ATAD2: variants seen among roughly 807,000 people sequenced by gnomAD.
ATAD2 encodes the protein ATPase family AAA domain containing 2.
A neutral mutation model predicts 168.9 loss-of-function variants in ATAD2; 62 were observed. The observed-to-expected ratio is 0.37, with a 90% CI of 0.30 to 0.45. The LOEUF (loss-of-function observed/expected upper bound fraction) is 0.45, where lower values mean the gene tolerates loss of function less well. Among genes scored for constraint, ATAD2 ranks in the 20% least tolerant of loss-of-function variants. The pLI, the probability that ATAD2 is intolerant of heterozygous loss-of-function variation, is 1.00. For synonymous variants in ATAD2, 613 were observed against 571.6 expected (o/e 1.07, Z -1.03); for missense variants, 1,419 against 1,667.8 (o/e 0.85, Z 2.60).
intron 26 of ATAD2, among the ~76,000 whole-genome samples, chr8:123,323,434 T>C (rs1198221800): frequency 6.6e-6 from 1 of 152,226 alleles, no homozygotes; most frequent in Non-Finnish European, 1.5e-5. Context: ...CTAATTTTAT[T>C]ATGTGAAACT....
chr8:123,330,861 CA>C (rs758262416), intron 24 of ATAD2, among the ~76,000 whole-genome samples: 3 of 152,174 alleles, frequency 2.0e-5, no homozygotes, highest in Non-Finnish European at 4.4e-5. Context: ...AGGTATTTCA[CA>C]AAAAGTACAA....
At chr8:123,367,063 T>C (rs1373821164) in intron 8 of ATAD2, among the ~76,000 whole-genome samples, 1 of 152,182 alleles carries the variant, frequency 6.6e-6, no homozygotes, top group African/African-American at 2.4e-5. Flanking sequence ...ATCTCCATTT[T>C]ACTGAAAGCC....
chr8:123,334,072 A>G, intron 23 of ATAD2, 51 bp from the exon 24 acceptor site: 1 of 1,583,444 alleles, frequency 6.3e-7, no homozygotes, highest in Non-Finnish European at 8.6e-7. Flanking sequence ...TTTCAAAATT[A>G]CATGAAGGAT....
At chr8:123,358,247 C>T (rs951679835) in intron 11 of ATAD2, among the ~76,000 whole-genome samples, 1 of 152,202 alleles carries the variant, frequency 6.6e-6, no homozygotes, top group African/African-American at 2.4e-5. Flanking sequence ...GTGGCATGAT[C>T]ATAGCTCACT....
chr8:123,324,873 A>G (rs1827565787), intron 26 of ATAD2, among the ~76,000 whole-genome samples: 1 of 152,098 alleles, frequency 6.6e-6, no homozygotes, highest in Non-Finnish European at 1.5e-5. Context: ...AGAATCACTT[A>G]GCTATTTTCT....
chr8:123,354,864 A>AATATATATATATATATATATATATAT (rs1251736641), intron 13 of ATAD2, among the ~76,000 whole-genome samples: 4 of 64,708 alleles, frequency 6.2e-5, no homozygotes, highest in African/African-American at 3.5e-4. Flanking sequence ...AAAAAAAAAA[A>AATATATATATATATATATATATATAT]ATATATATAT....
In ATAD2 at chr8:123,320,783, A is replaced by G. The variant is rs901667993; in HGVS notation, c.*351T>C. On this transcript the variant is annotated 3_prime_UTR_variant, in exon 28 of 28. Transcript: ENST00000287394. Reference sequence around the variant, plus strand: ...ATACAATAAACTATTTTTAGGAAGGATAAAATTAAAAGTGCTTAATACAAA... The same window carrying G: ...ATACAATAAACTATTTTTAGGAAGGGTAAAATTAAAAGTGCTTAATACAAA... 1 of 187,080 alleles carries G rather than the reference A, an allele frequency of 5.3e-6. No individual in the cohort carries two copies. Among genetic ancestry groups the G allele is most frequent in the Non-Finnish European group, 1.1e-5 (1 of 91,832 alleles). 11.6% of individuals were successfully genotyped at this position (187,080 alleles called of 1,614,324 possible).
chr8:123,394,993 TTA>T (rs1037262514), intron 1 of ATAD2, among the ~76,000 whole-genome samples: 1 of 152,196 alleles, frequency 6.6e-6, no homozygotes, highest in African/African-American at 2.4e-5. Context: ...GCAACTAATT[TTA>T]TATAGTTATC....
In ATAD2 at chr8:123,320,859, C is replaced by A; in HGVS notation, c.*275G>T. ...TTAAGTGCCATAAAACATTAGTTAC[C>A]AAAATAACTTTATTAAGAGTTGGCC... On this transcript the variant is annotated 3_prime_UTR_variant, in exon 28 of 28. Coordinates refer to ENST00000287394, the MANE Select transcript of ATAD2 (RefSeq NM_014109.4). 3.0e-6 allele frequency: 1 copy of A among 338,638 alleles called. No individual in the cohort carries two copies. Among genetic ancestry groups the A allele is most frequent in the Non-Finnish European group, 5.3e-6 (1 of 190,066 alleles). 21.0% of individuals were successfully genotyped at this position (338,638 alleles called of 1,614,324 possible).
intron 1 of ATAD2, among the ~76,000 whole-genome samples, chr8:123,408,951 C>T (rs1389400836): frequency 6.6e-6 from 1 of 152,100 alleles, no homozygotes; most frequent in East Asian, 1.9e-4. Context: ...GCTCAGCCTC[C>T]TCAGTAGCTG....
At chr8:123,364,280 G>C (rs777996767) in intron 8 of ATAD2, among the ~76,000 whole-genome samples, 17 of 152,188 alleles carry the variant, frequency 1.1e-4, no homozygotes, top group Middle Eastern at 3.4e-3. Flanking sequence ...GTAGAGCTGA[G>C]CTCCAAGCCT....
At chr8:123,336,114 T>C (rs896371234) in intron 22 of ATAD2, among the ~76,000 whole-genome samples, 1 of 152,192 alleles carries the variant, frequency 6.6e-6, no homozygotes, top group Non-Finnish European at 1.5e-5. Flanking sequence ...GGATCTATCA[T>C]GTAATTGTTA....
At chr8:123,410,713 C>A (rs978261179) in intron 1 of ATAD2, among the ~76,000 whole-genome samples, 1 of 152,218 alleles carries the variant, frequency 6.6e-6, no homozygotes, top group Non-Finnish European at 1.5e-5. Flanking sequence ...CTTGCTACTG[C>A]ACTCTTCTGG....
intron 1 of ATAD2, among the ~76,000 whole-genome samples, chr8:123,389,476 T>C (rs1191350114): frequency 2.0e-5 from 3 of 150,838 alleles, no homozygotes; most frequent in African/African-American, 7.3e-5. Context: ...CAGTCTCTAC[T>C]AAAAATACAA....
chr8:123,396,760 A>T (rs1457378277), upstream of ATAD2, among the ~76,000 whole-genome samples: 1 of 151,996 alleles, frequency 6.6e-6, no homozygotes, highest in Non-Finnish European at 1.5e-5. Context: ...GGGGGAAGGG[A>T]GGCCTCTGCG....
chr8:123,383,368 A>T (rs766936748), intron 1 of ATAD2, among the ~76,000 whole-genome samples: 14 of 144,502 alleles, frequency 9.7e-5, no homozygotes, highest in Non-Finnish European at 1.4e-4. Flanking sequence ...AAAATTAAAT[A>T]AAAAAAAAAA....
intron 4 of ATAD2, 29 bp from the exon 5 acceptor site, chr8:123,371,367 A>G: frequency 6.5e-7 from 1 of 1,533,680 alleles, no homozygotes; most frequent in Non-Finnish European, 8.8e-7. Flanking sequence ...AATGTAAGTG[A>G]AAATTGTAAA....
Position 123,369,041 on chromosome 8 carries a change from C to T in ATAD2, c.1049+17G>A, listed in dbSNP as rs1350021002. On this transcript the variant is annotated intron_variant, in intron 8 of 27. Transcript: ENST00000287394. ...CAATTATGTTGTCATAAATCAATCA[C>T]TATATCAGAACCAAACCTGTTCATT... The T allele has an allele frequency of 7.0e-7, 1 of 1,435,706 alleles. No individual in the cohort carries two copies. Among genetic ancestry groups the T allele is most frequent in the South Asian group, 1.3e-5 (1 of 78,280 alleles). 88.9% of individuals were successfully genotyped at this position (1,435,706 alleles called of 1,614,324 possible).
chr8:123,408,931 G>A (rs1372439144), intron 1 of ATAD2, among the ~76,000 whole-genome samples: 1 of 151,370 alleles, frequency 6.6e-6, no homozygotes, highest in Non-Finnish European at 1.5e-5. Context: ...AAGTTCAAGC[G>A]ATTCTCGTGG....
Sources: allele counts gnomAD v4.1 joint callset (sites outside exome capture counted in the v4.1 genomes callset), GRCh38; gene constraint gnomAD v4.1.1; transcripts MANE v1.5; gene names NCBI Gene and HGNC (gene_info 2026-07-23, HGNC 2026-07-21).